DOCK3: variants seen among roughly 807,000 people sequenced by gnomAD.
DOCK3 encodes dedicator of cytokinesis 3.
Under a neutral mutation model 265.6 loss-of-function variants are expected in DOCK3, and 60 were observed. The observed-to-expected ratio is 0.23, with a 90% CI of 0.18 to 0.28. DOCK3 has a LOEUF of 0.28. DOCK3 is among the 10% of genes least tolerant of loss of function. The pLI, the probability that DOCK3 is intolerant of heterozygous loss-of-function variation, is 1.00. For missense variants in DOCK3, 1,981 were observed against 2,594.3 expected (o/e 0.76, Z 5.14); for synonymous variants, 881 against 938.0 (o/e 0.94, Z 1.11).
intron 4 of DOCK3, among the ~76,000 whole-genome samples, chr3:50,928,052 T>C (rs1170279925): frequency 6.6e-6 from 1 of 151,720 alleles, no homozygotes; most frequent in Non-Finnish European, 1.5e-5. Flanking sequence ...TTTCTTTGAA[T>C]TCTTTCTAAC....
chr3:51,017,366 A>G (rs2079391153), intron 5 of DOCK3, among the ~76,000 whole-genome samples: 1 of 150,462 alleles, frequency 6.6e-6, no homozygotes, highest in Non-Finnish European at 1.5e-5. Context: ...ATTTCTTTCT[A>G]CTGTGATCTT....
At chr3:50,719,534 C>T in intron 1 of DOCK3, 9 of 1,172,412 alleles carry the variant, frequency 7.7e-6, no homozygotes, top group Non-Finnish European at 1.1e-5. Context: ...CTTGCCGTTT[C>T]TGGATCTAGA....
intron 2 of DOCK3, among the ~76,000 whole-genome samples, chr3:50,831,020 G>C (rs2045113196): frequency 6.6e-6 from 1 of 151,816 alleles, no homozygotes; most frequent in African/African-American, 2.4e-5. Context: ...ATAACTTCCT[G>C]ACATTGCCAT....
rs1464413158 is a variant in DOCK3 at position 50,890,015 on chromosome 3, C to T, written c.163-11C>T. On this transcript the variant is annotated splice_polypyrimidine_tract_variant and intron_variant, in intron 3 of 52. Coordinates refer to ENST00000266037, the MANE Select transcript of DOCK3 (RefSeq NM_004947.5). ...TATTTTTTCTAACAGGAAATATTTT[C>T]TCTTTTACAGGGGATCTTTCCTGCA... The T allele has an allele frequency of 9.3e-6, 13 of 1,397,202 alleles. No homozygotes were observed. In the African/African-American group the frequency reaches 1.4e-4, roughly 15 times the overall value. 86.6% of individuals were successfully genotyped at this position (1,397,202 alleles called of 1,614,324 possible).
At chr3:50,771,746 G>C (rs928398541) in intron 1 of DOCK3, among the ~76,000 whole-genome samples, 1 of 152,180 alleles carries the variant, frequency 6.6e-6, no homozygotes, top group Non-Finnish European at 1.5e-5. Context: ...AGCTACTCGG[G>C]AGGCTGAGGC....
At chr3:50,862,193 G>A (rs937378426) in intron 3 of DOCK3, among the ~76,000 whole-genome samples, 1 of 152,140 alleles carries the variant, frequency 6.6e-6, no homozygotes, top group Non-Finnish European at 1.5e-5. Context: ...CTTTCAGGGG[G>A]CCAAAGCTCT....
intron 13 of DOCK3, 99 bp downstream of exon 13, chr3:51,208,961 TAC>T: frequency 1.0e-6 from 1 of 988,862 alleles, no homozygotes; most frequent in South Asian, 1.7e-5. Context: ...CTGTATTCCC[TAC>T]AGATATTTAT....
At chr3:51,104,251 G>A (rs140630382) in intron 9 of DOCK3, among the ~76,000 whole-genome samples, 107 of 152,298 alleles carry the variant, frequency 7.0e-4, no homozygotes, top group African/African-American at 2.5e-3. Flanking sequence ...GGAACAAAAC[G>A]AACAAGGACA....
chr3:50,973,324 T>C (rs1399513094), intron 5 of DOCK3, among the ~76,000 whole-genome samples: 1 of 140,242 alleles, frequency 7.1e-6, no homozygotes. Context: ...GAGTGTGATG[T>C]TCCCCTTCCT....
In DOCK3 at chr3:51,348,833, G is replaced by C. The variant is rs752005175; in HGVS notation, c.3916-19G>C. The C allele has an allele frequency of 6.4e-7, 1 of 1,561,150 alleles. No individual in the cohort carries two copies. Among genetic ancestry groups the C allele is most frequent in the Non-Finnish European group, 8.7e-7 (1 of 1,152,128 alleles). ...TCTGAAGATGAGATGCTGAAGCCCT[G>C]TTTCTGTTTCTGACACAGAGCTGGG... On this transcript the variant is annotated intron_variant, in intron 38 of 52. Coordinates refer to ENST00000266037, the MANE Select transcript of DOCK3 (RefSeq NM_004947.5).
intron 2 of DOCK3, among the ~76,000 whole-genome samples, chr3:50,781,198 A>C: frequency 6.6e-6 from 1 of 151,728 alleles, no homozygotes; most frequent in Non-Finnish European, 1.5e-5. Flanking sequence ...TTGAGACCAA[A>C]AAATAAAAAA....
At chr3:50,864,792 A>G (rs1051693902) in intron 3 of DOCK3, among the ~76,000 whole-genome samples, 2 of 151,800 alleles carry the variant, frequency 1.3e-5, no homozygotes, top group African/African-American at 2.4e-5. Flanking sequence ...ATTCTGTTCT[A>G]TTGATCTATG....
intron 2 of DOCK3, among the ~76,000 whole-genome samples, chr3:50,831,190 TTTATTTA>T (rs1559697312): frequency 1.5e-3 from 195 of 127,530 alleles, no homozygotes; most frequent in African/African-American, 3.4e-3. Context: ...ACCTGTTTTA[TTTATTTA>T]TTTATTTATT....
At chr3:50,748,368 T>C (rs2039585296) in intron 1 of DOCK3, among the ~76,000 whole-genome samples, 1 of 152,080 alleles carries the variant, frequency 6.6e-6, no homozygotes, top group Middle Eastern at 3.2e-3. Flanking sequence ...TTTAAACTAG[T>C]GAGTTCCCAC....
intron 5 of DOCK3, among the ~76,000 whole-genome samples, chr3:50,975,846 C>G (rs2077427806): frequency 6.6e-6 from 1 of 151,060 alleles, no homozygotes; most frequent in Non-Finnish European, 1.5e-5. Context: ...TTCAGAGATT[C>G]AACTTCTTCC....
chr3:51,298,735 C>G (rs2082230734), intron 27 of DOCK3, among the ~76,000 whole-genome samples: 1 of 152,162 alleles, frequency 6.6e-6, no homozygotes, highest in South Asian at 2.1e-4. Flanking sequence ...CTGCAAAGGA[C>G]ATGATTTCAT....
At chr3:50,811,445 GAAA>G (rs2043749648) in intron 2 of DOCK3, among the ~76,000 whole-genome samples, 1 of 151,416 alleles carries the variant, frequency 6.6e-6, no homozygotes, top group African/African-American at 2.4e-5. Flanking sequence ...GAGAATAAAA[GAAA>G]AAAGAAAAGA....
At chr3:51,364,331 GTTGT>G (rs1341443410) in intron 49 of DOCK3, among the ~76,000 whole-genome samples, 3 of 151,460 alleles carry the variant, frequency 2.0e-5, no homozygotes, top group Non-Finnish European at 2.9e-5. Flanking sequence ...TTTTGATGGG[GTTGT>G]TTGATTTTTT....
At chr3:51,076,364 G>A (rs2082056775) in intron 7 of DOCK3, among the ~76,000 whole-genome samples, 1 of 152,194 alleles carries the variant, frequency 6.6e-6, no homozygotes, top group Admixed American at 6.5e-5. Context: ...TACTTGGAAG[G>A]CTGAAGTGAT....
Sources: gnomAD v4.1 joint callset for allele counts (sites outside exome capture counted in the v4.1 genomes callset) on GRCh38, gnomAD v4.1.1 for gene constraint, MANE v1.5 for transcripts, NCBI Gene and HGNC (gene_info 2026-07-23, HGNC 2026-07-21) for gene names.